Variants in PIDD1 observed in about 807,000 individuals in gnomAD.
PIDD1 encodes the protein p53-induced death domain-containing protein 1.
PIDD1 carries 72 observed loss-of-function variants against 80.0 expected under a neutral mutation model. That is an observed-to-expected ratio of 0.90 (90% CI 0.74 to 1.09). PIDD1 has a LOEUF of 1.09. Among genes scored for constraint, PIDD1 ranks in the 50% least tolerant of loss-of-function variants. The pLI, the probability that PIDD1 is intolerant of heterozygous loss-of-function variation, is 0.00. For synonymous variants in PIDD1, 655 were observed against 543.5 expected (o/e 1.21, Z -2.85); for missense variants, 1,329 against 1,228.3 (o/e 1.08, Z -1.23).
At position 801,975 on chromosome 11, in the gene PIDD1, T is replaced by C. The variant is rs749453503; in HGVS notation, c.1292A>G (p.Glu431Gly). Residue 431 changes from glutamate (E) to glycine (G), a missense_variant, in exon 7 of 16, where the codon GAG (glutamate) becomes GGG (glycine). Transcript: ENST00000347755. The part of the protein sequence containing the change: ...WGDLETYLEE[E>G]APQRLWAHCQ... The stretch of plus-strand genomic sequence containing the variant: ...CTGGGTGGCCCTCACCTGGGGTGCC[T>C]CTTCCTCCAGGTAGGTCTCCAGGTC... 86 of 1,601,960 alleles carry C rather than the reference T, an allele frequency of 5.4e-5. No individual in the cohort carries two copies. Among genetic ancestry groups the C allele is most frequent in the Non-Finnish European group, 7.1e-5 (84 of 1,175,046 alleles).
chr11:803,113 ACAGG>A, intron 3 of PIDD1, 57 bp downstream of exon 3: 2 of 1,258,772 alleles, frequency 1.6e-6, no homozygotes, highest in Non-Finnish European at 2.2e-6. Flanking sequence ...CCTGCAGAAG[ACAGG>A]CAGGCTTCAG....
At chr11:808,067 T>C (rs1031057433), upstream of PIDD1, among the ~76,000 whole-genome samples, 1 of 152,040 alleles carries the variant, frequency 6.6e-6, no homozygotes, top group African/African-American at 2.4e-5. Flanking sequence ...AATGTGTTTA[T>C]CAAGGGTGGG....
chr11:802,184 C>G lies in PIDD1; in HGVS notation c.1176+11G>C. The G allele has an allele frequency of 6.3e-7, 1 of 1,594,564 alleles. No homozygotes were observed. Among genetic ancestry groups the G allele is most frequent in the Non-Finnish European group, 8.5e-7 (1 of 1,171,634 alleles). On this transcript the variant is annotated intron_variant, in intron 6 of 15. Transcript: ENST00000347755. ...GGCCCACACACTGCCCCCGCCACGC[C>G]CTGTCCATGCCTGCTGGAAGGCCAC...
rs1247837452 is a variant in PIDD1 at position 801,544 on chromosome 11, C to T, written c.1383G>A (p.Val461=). Residue 461 remains valine (V), a synonymous_variant, in exon 8 of 16, where the codon GTG becomes GTA. Transcript: ENST00000347755. ...VSRPVSNACL[V]PPEGTLLCSS... ...AGCACAGCAGTGTCCCCTCCGGTGG[C>T]ACCAGGCAGGCATTGGACACAGGGC... is the stretch of plus-strand genomic sequence containing the variant. The T allele has an allele frequency of 1.3e-6, 2 of 1,567,606 alleles. No individual in the cohort carries two copies. The highest frequency in any genetic ancestry group is 1.7e-6 in the Non-Finnish European group (2 of 1,156,280).
chr11:799,795 G>A lies in PIDD1; in HGVS notation c.2474+20C>T. The A allele has an allele frequency of 6.6e-7, 1 of 1,525,444 alleles. No individual in the cohort carries two copies. The highest frequency in any genetic ancestry group is 2.0e-5 in the Admixed American group (1 of 49,736). 94.5% of individuals were successfully genotyped at this position (1,525,444 alleles called of 1,614,324 possible). A position where few individuals can be genotyped will look rare whatever the true frequency, so the allele number is the denominator to read the frequency against. ...GGCTCAGCCCTGGGGCTGGCAGCCA[G>A]CGGGCAGTGGGAGCCTCACCGGAAC... On this transcript the variant is annotated intron_variant, in intron 15 of 15. Coordinates refer to ENST00000347755, the MANE Select transcript of PIDD1 (RefSeq NM_145886.4).
chr11:804,246 T>G lies in PIDD1; in HGVS notation c.143A>C (p.Gln48Pro), dbSNP rs1865614482. Residue 48 changes from glutamine to proline, a missense_variant, in exon 2 of 16, where the codon CAG becomes CCG. Transcript: ENST00000347755. ...CTGGACACACAGGTGCAGCAGCTGC[T>G]GGCAGCCCCCGGGGTACAGGTCCAA... ...LSLDLYPGGCQQLLHLCVQQP... is the reference protein window; with the variant it reads ...LSLDLYPGGCPQLLHLCVQQP... 1 of 1,612,960 alleles carries G rather than the reference T, an allele frequency of 6.2e-7. No individual in the cohort carries two copies. The highest frequency in any genetic ancestry group is 8.5e-7 in the Non-Finnish European group (1 of 1,179,982).
At chr11:801,738 A>T in intron 7 of PIDD1, 114 bp from the exon 8 acceptor site, 2 of 961,522 alleles carry the variant, frequency 2.1e-6, no homozygotes, top group Non-Finnish European at 3.1e-6. Flanking sequence ...CCAGGGACAC[A>T]GGGAGCAGGA....
chr11:805,046 C>A, intron 1 of PIDD1, 133 bp downstream of exon 1: 1 of 220,842 alleles, frequency 4.5e-6, no homozygotes, highest in Non-Finnish European at 7.7e-6. Context: ...ACCGCTCAGA[C>A]GGCGTGGGGG....
At chr11:805,765 C>G, upstream of PIDD1, 1 of 800,160 alleles carries the variant, frequency 1.2e-6, no homozygotes, top group Non-Finnish European at 1.5e-6. Context: ...AGCCTCCTGG[C>G]ACTGTCTCCT....
chr11:800,399 C>T lies in PIDD1; in HGVS notation c.2094G>A (p.Leu698=), dbSNP rs1865169553. The T allele has an allele frequency of 1.9e-6, 3 of 1,586,350 alleles. No homozygotes were observed. The highest frequency in any genetic ancestry group is 2.6e-6 in the Non-Finnish European group (3 of 1,162,876). ...GRICFVFYSH[L]KNVKEVYVTT... ...TCACGTATACCTCCTTCACATTCTT[C>T]AGGTGCGAGTAGAAGACAAAGCAGA... is the stretch of plus-strand genomic sequence containing the variant. Residue 698 remains leucine, a synonymous_variant, in exon 13 of 16, where the codon CTG becomes CTA. Coordinates refer to ENST00000347755, the MANE Select transcript of PIDD1 (RefSeq NM_145886.4).
intron 5 of PIDD1, 65 bp from the exon 6 acceptor site, chr11:802,461 C>T: frequency 1.9e-6 from 3 of 1,600,156 alleles, no homozygotes; most frequent in Non-Finnish European, 2.6e-6. Context: ...AGCCTGGACC[C>T]AGGAACTCTG....
At chr11:805,154 T>A in intron 1 of PIDD1, 25 bp downstream of exon 1, 1 of 970,380 alleles carries the variant, frequency 1.0e-6, no homozygotes, top group Non-Finnish European at 1.2e-6. Flanking sequence ...CGCCGCCCCC[T>A]CCGCCCGCCC....
chr11:801,780 C>A, intron 7 of PIDD1, 156 bp from the exon 8 acceptor site: 1 of 899,700 alleles, frequency 1.1e-6, no homozygotes. Context: ...TGGAAGTTGC[C>A]AGGGACACAG....
Position 800,783 on chromosome 11 carries a change from C to T in PIDD1, c.1896G>A (p.Leu632=), listed in dbSNP as rs769248811. 1.4e-5 allele frequency: 22 copies of T among 1,552,172 alleles called. No homozygotes were observed. The highest frequency in any genetic ancestry group is 2.4e-5 in the South Asian group (2 of 84,858). ...CCACCTTGTTTCGGGGCAGGCACTG[C>T]AGCAGGACCTGCTCAGGGTCCCGGC... The part of the protein sequence containing the change: ...QRRRDPEQVL[L]QCLPRNKVDA... Residue 632 remains leucine, a synonymous_variant, in exon 11 of 16, where the codon CTG becomes CTA. Coordinates refer to ENST00000347755, the MANE Select transcript of PIDD1 (RefSeq NM_145886.4).
At position 799,987 on chromosome 11, in the gene PIDD1, G is replaced by A. The variant is rs370517270; in HGVS notation, c.2302C>T (p.Arg768Trp). The A allele has an allele frequency of 8.1e-6, 13 of 1,612,774 alleles. No individual in the cohort carries two copies. Among genetic ancestry groups the A allele is most frequent in the Non-Finnish European group, 1.1e-5 (13 of 1,179,882 alleles). The change falls in exon 15 of 16, where the codon CGG (arginine) becomes TGG (tryptophan). Residue 768 changes from arginine to tryptophan, a missense_variant. Arg to Trp is a moderately radical substitution (Grantham distance 101, BLOSUM62 -3). Coordinates refer to ENST00000347755, the MANE Select transcript of PIDD1 (RefSeq NM_145886.4). ...PRLRGSEGPR[R>W]GAGLSLAPLN... is the part of the protein sequence containing the mutation. ...GGTGCCAAGGAGAGGCCAGCCCCCC[G>A]CCGTGGCCCCTCGGACCCTCGAAGT...
rs756926039 is a variant in PIDD1, at chr11:803,420, G to C, written c.463C>G (p.Leu155Val). 18 of 1,613,808 alleles carry C rather than the reference G, an allele frequency of 1.1e-5. No homozygotes were observed. Among genetic ancestry groups the C allele is most frequent in the Non-Finnish European group, 1.4e-5 (16 of 1,179,992 alleles). Residue 155 changes from leucine (L) to valine (V), a missense_variant, in exon 3 of 16, where the codon CTG (leucine) becomes GTG (valine). Transcript: ENST00000347755. ...LQMRGLGALL[L>V]SHNCLSELPE... ...AGCTCAGAGAGGCAGTTGTGAGACA[G>C]CAAGAGCGCACCCAGACCTCGCATC...
chr11:800,231 C>T lies in PIDD1; in HGVS notation c.2174G>A (p.Arg725His), dbSNP rs199606940. 2.0e-4 allele frequency: 325 copies of T among 1,609,838 alleles called. 1 individual carries two copies. The highest frequency in any genetic ancestry group is 2.4e-4 in the Non-Finnish European group (278 of 1,178,588). Residue 725 changes from arginine to histidine, a missense_variant, in exon 14 of 16, where the codon CGT becomes CAT. Coordinates refer to ENST00000347755, the MANE Select transcript of PIDD1 (RefSeq NM_145886.4). Reference protein sequence around the residue: ...QAVRGQVSFYRGAVPVRVPEE... With the variant: ...QAVRGQVSFYHGAVPVRVPEE... The stretch of plus-strand genomic sequence containing the variant: ...GGGCACCCGCACAGGCACCGCGCCA[C>T]GGTAGAAGGACACCTGAAGGGGCAT...
At chr11:807,592 A>G (rs1382112848), upstream of PIDD1, among the ~76,000 whole-genome samples, 1 of 151,332 alleles carries the variant, frequency 6.6e-6, no homozygotes, top group African/African-American at 2.4e-5. Flanking sequence ...CTTGGCTAAC[A>G]CGGTGAAACC....
intron 5 of PIDD1, 44 bp downstream of exon 5, chr11:802,499 C>G: frequency 6.2e-7 from 1 of 1,606,604 alleles, no homozygotes; most frequent in South Asian, 1.1e-5. Context: ...GCCAGAGTGA[C>G]AGGCAGACAG....
Sources: allele counts gnomAD v4.1 joint callset (sites outside exome capture counted in the v4.1 genomes callset), GRCh38; gene constraint gnomAD v4.1.1; transcripts MANE v1.5; gene names NCBI Gene and HGNC (gene_info 2026-07-23, HGNC 2026-07-21).